Variants in SAMD12 observed in about 807,000 individuals in gnomAD.
SAMD12 encodes the protein sterile alpha motif domain-containing protein 12.
Under a neutral mutation model 15.0 loss-of-function variants are expected in SAMD12, and 9 were observed. That is an observed-to-expected ratio of 0.60 (90% CI 0.36 to 1.05). The LOEUF (loss-of-function observed/expected upper bound fraction) is 1.05. SAMD12 is among the 50% of genes least tolerant of loss of function. The pLI, the probability that SAMD12 is intolerant of heterozygous loss-of-function variation, is 0.01. For synonymous variants in SAMD12, 86 were observed against 90.1 expected, an observed-to-expected ratio of 0.96 and a Z score of 0.25; for missense variants, 230 against 234.2, an observed-to-expected ratio of 0.98 and a Z score of 0.12.
intron 3 of SAMD12, among the ~76,000 whole-genome samples, chr8:118,395,530 G>T (rs1200801958): frequency 6.6e-6 from 1 of 152,128 alleles, no homozygotes; most frequent in East Asian, 1.9e-4. Flanking sequence ...CCAGTGTTCA[G>T]GGACCAAAAT....
At chr8:118,155,705 AG>A in the SAMD12 span, among the ~76,000 whole-genome samples, 2 of 152,234 alleles carry the variant, frequency 1.3e-5, no homozygotes, top group African/African-American at 4.8e-5. Flanking sequence ...CCTATGGCAA[AG>A]ATTTCATTAC....
At chr8:118,199,360 G>A (rs954948982) in intron 4 of SAMD12, among the ~76,000 whole-genome samples, 7 of 152,188 alleles carry the variant, frequency 4.6e-5, no homozygotes. Flanking sequence ...AAACACCAAT[G>A]TGCGTAAGAT....
chr8:118,471,539 A>G (rs1823793081), intron 2 of SAMD12, among the ~76,000 whole-genome samples: 1 of 152,232 alleles, frequency 6.6e-6, no homozygotes, highest in South Asian at 2.1e-4. Context: ...GGCCAAAGAA[A>G]CTTGACAAAA....
At chr8:118,610,223 A>G (rs765921334) in intron 1 of SAMD12, among the ~76,000 whole-genome samples, 1 of 152,180 alleles carries the variant, frequency 6.6e-6, no homozygotes. Context: ...ACCAAGATAC[A>G]CACTTTATTA....
chr8:118,393,253 T>C (rs1040483618), intron 3 of SAMD12, among the ~76,000 whole-genome samples: 10 of 152,154 alleles, frequency 6.6e-5, no homozygotes, highest in Admixed American at 6.6e-5. Context: ...TGCTCTGTCA[T>C]GTGGGGTGGT....
intron 2 of SAMD12, among the ~76,000 whole-genome samples, chr8:118,551,266 A>G: frequency 6.6e-6 from 1 of 150,802 alleles, no homozygotes; most frequent in African/African-American, 2.5e-5. Flanking sequence ...AACTGAACAC[A>G]TAGTTGGAAG....
At chr8:118,604,584 G>A (rs538078885) in intron 1 of SAMD12, among the ~76,000 whole-genome samples, 3 of 152,142 alleles carry the variant, frequency 2.0e-5, no homozygotes, top group South Asian at 4.1e-4. Context: ...AAAAGAAAAC[G>A]ATGGTTGGAA....
chr8:118,133,927 T>A, the SAMD12 span, among the ~76,000 whole-genome samples: 1 of 152,350 alleles, frequency 6.6e-6, no homozygotes, highest in South Asian at 2.1e-4. Context: ...TGGTTGTTTA[T>A]CATGTCTTGA....
chr8:118,301,690 AT>A (rs1234984769), intron 4 of SAMD12, among the ~76,000 whole-genome samples: 1 of 152,184 alleles, frequency 6.6e-6, no homozygotes, highest in Non-Finnish European at 1.5e-5. Context: ...TTTATTTTTT[AT>A]TAGTTTTTAA....
the SAMD12 span, among the ~76,000 whole-genome samples, chr8:118,170,827 T>C: frequency 1.3e-5 from 2 of 152,146 alleles, no homozygotes; most frequent in Non-Finnish European, 2.9e-5. Context: ...AAAAATAGAT[T>C]GGACTACACT....
chr8:118,343,426 G>A (rs899110964), intron 4 of SAMD12, among the ~76,000 whole-genome samples: 1 of 151,946 alleles, frequency 6.6e-6, no homozygotes, highest in African/African-American at 2.4e-5. Flanking sequence ...ATTGACAGGG[G>A]AGTAGTATCA....
chr8:118,598,015 T>C (rs979815295), intron 1 of SAMD12, among the ~76,000 whole-genome samples: 2 of 152,198 alleles, frequency 1.3e-5, no homozygotes, highest in African/African-American at 4.8e-5. Context: ...TTCTGTGTTA[T>C]ATATATTCTC....
chr8:118,464,295 C>T (rs767199655), intron 2 of SAMD12, among the ~76,000 whole-genome samples: 3 of 152,144 alleles, frequency 2.0e-5, no homozygotes, highest in Non-Finnish European at 4.4e-5. Context: ...CTGAGTCATT[C>T]GCTTTCAAGA....
chr8:118,608,058 C>T (rs1828023480), intron 1 of SAMD12, among the ~76,000 whole-genome samples: 1 of 152,128 alleles, frequency 6.6e-6, no homozygotes, highest in Non-Finnish European at 1.5e-5. Context: ...CCCCTTTGAC[C>T]TTGATCTCTC....
At chr8:118,161,128 A>C in the SAMD12 span, among the ~76,000 whole-genome samples, 4 of 152,068 alleles carry the variant, frequency 2.6e-5, no homozygotes, top group Non-Finnish European at 5.9e-5. Context: ...TGAACTCATC[A>C]TTTTTTATGG....
intron 1 of SAMD12, among the ~76,000 whole-genome samples, chr8:118,586,923 A>G (rs900343918): frequency 6.6e-6 from 1 of 152,214 alleles, no homozygotes; most frequent in Non-Finnish European, 1.5e-5. Context: ...AAGCAAATAA[A>G]AGTTGCTTCC....
intron 4 of SAMD12, among the ~76,000 whole-genome samples, chr8:118,223,244 A>G (rs1391150127): frequency 1.3e-5 from 2 of 151,788 alleles, no homozygotes; most frequent in Admixed American, 1.3e-4. Context: ...ATCTTAATAC[A>G]CTCTTACTTC....
intron 1 of SAMD12, among the ~76,000 whole-genome samples, chr8:118,590,079 G>A (rs1204708053): frequency 6.6e-6 from 1 of 152,140 alleles, no homozygotes; most frequent in African/African-American, 2.4e-5. Flanking sequence ...CCCAGACTTA[G>A]AACTAAGAAA....
At chr8:118,171,959 C>T in the SAMD12 span, among the ~76,000 whole-genome samples, 1 of 152,032 alleles carries the variant, frequency 6.6e-6, no homozygotes, top group Non-Finnish European at 1.5e-5. Flanking sequence ...TTTGTAGGGT[C>T]ATGGATAAAG....
Sources: gnomAD v4.1 joint callset for allele counts (sites outside exome capture counted in the v4.1 genomes callset) on GRCh38, gnomAD v4.1.1 for gene constraint, MANE v1.5 for transcripts, NCBI Gene and HGNC (gene_info 2026-07-23, HGNC 2026-07-21) for gene names.